MCC: variants seen among roughly 807,000 people sequenced by gnomAD.
MCC encodes the protein MCC regulator of Wnt signaling pathway.
A neutral mutation model predicts 116.2 loss-of-function variants in MCC; 90 were observed. That is an observed-to-expected ratio of 0.77 (90% CI 0.65 to 0.92). The LOEUF (loss-of-function observed/expected upper bound fraction) is 0.92, where lower values mean the gene tolerates loss of function less well. Ranked by LOEUF, MCC falls within the 40% of genes least tolerant of loss-of-function variation. MCC has a pLI of 0.00. For missense variants in MCC, 1,516 were observed against 1,312.2 expected (o/e 1.16, Z -2.40); for synonymous variants, 578 against 510.5 (o/e 1.13, Z -1.78).
At chr5:113,056,007 A>T (rs969264113) in intron 14 of MCC, among the ~76,000 whole-genome samples, 4 of 152,162 alleles carry the variant, frequency 2.6e-5, no homozygotes, top group African/African-American at 9.7e-5. Flanking sequence ...TCCATTATCA[A>T]ATGGGCCAAT....
intron 3 of MCC, among the ~76,000 whole-genome samples, chr5:113,253,976 C>T (rs1163572082): frequency 6.6e-6 from 1 of 152,036 alleles, no homozygotes. Context: ...AGAGTAAATC[C>T]AGGAAGCCTA....
At chr5:113,327,543 C>G (rs1291932390) in intron 3 of MCC, among the ~76,000 whole-genome samples, 1 of 35,776 alleles carries the variant, frequency 2.8e-5, no homozygotes, top group Non-Finnish European at 4.7e-5. Context: ...AAGACTCAGT[C>G]TCAAAAAAAA....
intron 3 of MCC, among the ~76,000 whole-genome samples, chr5:113,167,736 T>TTC (rs1760846369): frequency 6.6e-6 from 1 of 152,104 alleles, no homozygotes; most frequent in Non-Finnish European, 1.5e-5. Flanking sequence ...GCTCAAGCAA[T>TTC]TCTCTCACCT....
At position 113,071,342 on chromosome 5, in the gene MCC, T is replaced by C. The variant is rs1157148527; in HGVS notation, c.1785-108A>G. 2.6e-6 allele frequency: 3 copies of C among 1,163,384 alleles called. No homozygotes were observed. The East Asian group carries it at 7.3e-5, about 28-fold the overall frequency. 72.1% of individuals were successfully genotyped at this position (1,163,384 alleles called of 1,614,324 possible). ...AGAAAAGCATGTGAGGATGTGGGCCTGTCAGATTAGTAGCTGACACAGTAT... is the reference window on the plus strand; with the variant it reads ...AGAAAAGCATGTGAGGATGTGGGCCCGTCAGATTAGTAGCTGACACAGTAT... On this transcript the variant is annotated intron_variant, in intron 11 of 18. Coordinates refer to ENST00000408903, the MANE Select transcript of MCC (RefSeq NM_001085377.2).
At chr5:113,184,685 A>G (rs1311231851) in intron 3 of MCC, among the ~76,000 whole-genome samples, 2 of 152,086 alleles carry the variant, frequency 1.3e-5, no homozygotes, top group African/African-American at 4.8e-5. Flanking sequence ...GATTATTTTT[A>G]TTAAAAATAT....
intron 3 of MCC, among the ~76,000 whole-genome samples, chr5:113,169,006 C>A (rs751039398): frequency 3.8e-4 from 58 of 152,094 alleles, no homozygotes; most frequent in Non-Finnish European, 7.6e-4. Flanking sequence ...GGCTTTAAGA[C>A]AAGCCCTCTG....
At chr5:113,452,660 C>T (rs1771433455) in intron 1 of MCC, among the ~76,000 whole-genome samples, 1 of 152,180 alleles carries the variant, frequency 6.6e-6, no homozygotes, top group South Asian at 2.1e-4. Context: ...CCTAAACAGA[C>T]TAAGACACTA....
At chr5:113,149,627 T>C (rs1335137646) in intron 4 of MCC, among the ~76,000 whole-genome samples, 1 of 151,958 alleles carries the variant, frequency 6.6e-6, no homozygotes, top group Admixed American at 6.6e-5. Flanking sequence ...TTTCCAAAAA[T>C]TTTCCATAGG....
chr5:113,379,737 G>A (rs1052345970), intron 2 of MCC, among the ~76,000 whole-genome samples: 1 of 152,130 alleles, frequency 6.6e-6, no homozygotes, highest in Non-Finnish European at 1.5e-5. Context: ...ATAAAAATCT[G>A]TTATGACGTG....
chr5:113,087,832 T>G (rs1025294895), intron 8 of MCC, among the ~76,000 whole-genome samples: 1 of 151,896 alleles, frequency 6.6e-6, no homozygotes, highest in South Asian at 2.1e-4. Context: ...TCCTGGGCAA[T>G]TTATAAAGAC....
chr5:113,416,264 T>C (rs922836209), intron 1 of MCC, among the ~76,000 whole-genome samples: 4 of 152,190 alleles, frequency 2.6e-5, no homozygotes, highest in African/African-American at 9.6e-5. Context: ...ATTTAAACAA[T>C]GTTGGAGAGC....
intron 3 of MCC, among the ~76,000 whole-genome samples, chr5:113,219,116 T>C (rs1309211859): frequency 6.6e-6 from 1 of 152,250 alleles, no homozygotes; most frequent in East Asian, 1.9e-4. Context: ...CAATAAAATA[T>C]TGGCTGTTAA....
chr5:113,258,459 G>A (rs75833028), intron 3 of MCC, among the ~76,000 whole-genome samples: 1,704 of 152,312 alleles, frequency 0.011, 30 homozygotes, highest in African/African-American at 0.039. Context: ...CCTGGGCTCC[G>A]CCTCCTGTCA....
Position 113,068,103 on chromosome 5 carries a change from G to T in MCC, c.2006C>A (p.Ala669Glu). 1 of 1,614,128 alleles carries T rather than the reference G, an allele frequency of 6.2e-7. No homozygotes were observed. The highest frequency in any genetic ancestry group is 8.5e-7 in the Non-Finnish European group (1 of 1,179,998). Residue 669 changes from alanine (A) to glutamate (E), a missense_variant, in exon 13 of 19, where the codon GCG becomes GAG. Ala to Glu is a moderately radical substitution (Grantham distance 107). Transcript: ENST00000408903. ...ACCAGGGGAGGACCCCACGCCCGCC[G>T]CTCGGAACTGCCCCAGGATGAGGCT... ...EQSLILGQFRAAGVGSSPGDQ... is the reference protein window; with the variant it reads ...EQSLILGQFREAGVGSSPGDQ...
chr5:113,081,965 C>T (rs1754887576), intron 11 of MCC, among the ~76,000 whole-genome samples: 1 of 152,178 alleles, frequency 6.6e-6, no homozygotes, highest in African/African-American at 2.4e-5. Context: ...CAATGCTCTC[C>T]CACTAAAGAT....
intron 3 of MCC, among the ~76,000 whole-genome samples, chr5:113,235,190 G>T (rs1764084062): frequency 6.6e-6 from 1 of 152,160 alleles, no homozygotes; most frequent in Admixed American, 6.5e-5. Context: ...AAAATCAATT[G>T]AGAGAACACC....
At chr5:113,086,990 A>G (rs534839249) in intron 8 of MCC, among the ~76,000 whole-genome samples, 8 of 152,336 alleles carry the variant, frequency 5.3e-5, no homozygotes, top group African/African-American at 1.7e-4. Flanking sequence ...TACCTTGAAT[A>G]GCACTCACCT....
intron 4 of MCC, among the ~76,000 whole-genome samples, chr5:113,149,111 C>A (rs1000386794): frequency 6.6e-6 from 1 of 152,032 alleles, no homozygotes; most frequent in Non-Finnish European, 1.5e-5. Flanking sequence ...TCACAATTTT[C>A]TTTTTTAAAA....
At chr5:113,241,249 A>G (rs1194813121) in intron 3 of MCC, among the ~76,000 whole-genome samples, 2 of 152,206 alleles carry the variant, frequency 1.3e-5, no homozygotes, top group African/African-American at 4.8e-5. Context: ...CCTTTCCAAC[A>G]ATGACTAAAA....
Sources: gnomAD v4.1 joint callset for allele counts (sites outside exome capture counted in the v4.1 genomes callset) on GRCh38, gnomAD v4.1.1 for gene constraint, MANE v1.5 for transcripts, NCBI Gene and HGNC (gene_info 2026-07-23, HGNC 2026-07-21) for gene names.